TRIM37: variants seen among roughly 807,000 people sequenced by gnomAD.
TRIM37 encodes the protein E3 ubiquitin-protein ligase TRIM37.
Under a neutral mutation model 129.8 loss-of-function variants are expected in TRIM37, and 80 were observed. The ratio of observed to expected loss-of-function variants is 0.62; its 90% CI spans 0.51 to 0.74. The LOEUF is 0.74. TRIM37 is among the 30% of genes least tolerant of loss of function. The pLI, the probability that TRIM37 is intolerant of heterozygous loss-of-function variation, is 0.00. For synonymous variants in TRIM37, 389 were observed against 387.1 expected, an observed-to-expected ratio of 1.00 and a Z score of -0.06; for missense variants, 1,054 against 1,176.5, an observed-to-expected ratio of 0.90 and a Z score of 1.52.
chr17:59,015,362 C>T (rs550429769), intron 21 of TRIM37, among the ~76,000 whole-genome samples: 1 of 151,892 alleles, frequency 6.6e-6, no homozygotes, highest in Non-Finnish European at 1.5e-5. Context: ...ATCACTTAAA[C>T]CGGGGAGGCA....
At chr17:59,015,201 G>C (rs776510897) in intron 21 of TRIM37, among the ~76,000 whole-genome samples, 1 of 152,098 alleles carries the variant, frequency 6.6e-6, no homozygotes, top group Non-Finnish European at 1.5e-5. Flanking sequence ...ACTCTGGGAG[G>C]CTGAGGTGGG....
chr17:59,075,302 G>A (rs771765010), intron 8 of TRIM37, among the ~76,000 whole-genome samples: 181 of 151,886 alleles, frequency 1.2e-3, no homozygotes, highest in Non-Finnish European at 2.4e-3. Context: ...GGTGGCTCAC[G>A]CCTGTAATCC....
In TRIM37 at chr17:59,083,302, G is replaced by A. The variant is rs2043464903; in HGVS notation, c.369+700C>T. ...AATACAAAATTAGCCAGGCGTGGTG[G>A]TGGCACATGCCTGTAATCCTAGCTA... On this transcript the variant is annotated intron_variant, in intron 5 of 23. Transcript: ENST00000262294. Among the ~76,000 whole-genome samples the A allele has an allele frequency of 2.6e-5, 4 of 152,136 alleles. No individual in the cohort carries two copies. In the South Asian group the frequency reaches 8.3e-4, roughly 32 times the overall value.
intron 17 of TRIM37, among the ~76,000 whole-genome samples, chr17:59,039,983 C>T (rs898804064): frequency 2.0e-5 from 3 of 152,154 alleles, no homozygotes; most frequent in Non-Finnish European, 2.9e-5. Context: ...CTGCAGGCTC[C>T]GCTTCCTGGG....
chr17:59,034,761 G>C (rs982551812), intron 17 of TRIM37, among the ~76,000 whole-genome samples: 1 of 152,044 alleles, frequency 6.6e-6, no homozygotes, highest in African/African-American at 2.4e-5. Context: ...TATTCTGTGT[G>C]TCTCATATAT....
At chr17:59,031,746 T>G (rs2037868359) in intron 18 of TRIM37, 150 bp downstream of exon 18, 1 of 796,090 alleles carries the variant, frequency 1.3e-6, no homozygotes, top group African/African-American at 1.7e-5. Context: ...AAAACTAATT[T>G]GGTTGACATA....
intron 12 of TRIM37, among the ~76,000 whole-genome samples, chr17:59,058,297 A>G (rs2146403340): frequency 6.6e-6 from 1 of 152,354 alleles, no homozygotes; most frequent in East Asian, 1.9e-4. Context: ...ACCAAATACC[A>G]CGTGTTCTCA....
At chr17:58,975,067 G>A in the TRIM37 span, among the ~76,000 whole-genome samples, 1 of 152,102 alleles carries the variant, frequency 6.6e-6, no homozygotes, top group Admixed American at 6.6e-5. Context: ...TGTAGGTTTA[G>A]CAGGACCCAC....
downstream of TRIM37, among the ~76,000 whole-genome samples, chr17:58,994,750 CTTTT>C (rs796722512): frequency 9.6e-4 from 137 of 142,448 alleles, 2 homozygotes; most frequent in African/African-American, 3.3e-3. Flanking sequence ...TTCTTTCTTT[CTTTT>C]TTTTTTTTTT....
At chr17:59,048,440 T>C (rs1243052832) in intron 15 of TRIM37, among the ~76,000 whole-genome samples, 3 of 152,220 alleles carry the variant, frequency 2.0e-5, no homozygotes, top group Non-Finnish European at 4.4e-5. Flanking sequence ...TCCCTTCTTA[T>C]GTAAAAATAT....
chr17:59,084,163 G>T, intron 4 of TRIM37, 74 bp from the exon 5 acceptor site: 1 of 1,125,626 alleles, frequency 8.9e-7, no homozygotes, highest in Non-Finnish European at 1.3e-6. Flanking sequence ...TCTTAAGCTT[G>T]GGCAAACAGG....
chr17:59,017,630 T>C (rs189076719), intron 19 of TRIM37, among the ~76,000 whole-genome samples: 90 of 152,240 alleles, frequency 5.9e-4, no homozygotes, highest in African/African-American at 1.7e-3. Flanking sequence ...AGAATCTTTT[T>C]TTTTTTTCCC....
chr17:59,042,445 AAAAAATAT>A (rs1224975313), intron 16 of TRIM37, among the ~76,000 whole-genome samples: 4 of 40,270 alleles, frequency 9.9e-5, no homozygotes, highest in South Asian at 1.6e-3. Context: ...AAAAAAAAAA[AAAAAATAT>A]ATATATATAT....
chr17:58,989,864 C>T (rs1300496196), intron 24 of TRIM37, among the ~76,000 whole-genome samples: 1 of 151,986 alleles, frequency 6.6e-6, no homozygotes, highest in East Asian at 1.9e-4. Flanking sequence ...ATGACAGACA[C>T]AAAACCACAG....
chr17:58,992,323 AT>A (rs2144161020), intron 24 of TRIM37, among the ~76,000 whole-genome samples: 1 of 21,908 alleles, frequency 4.6e-5, no homozygotes, highest in East Asian at 8.2e-4. Flanking sequence ...ACATATGTAA[AT>A]ATATATATAT....
At chr17:59,099,052 G>T (rs990037572) in intron 2 of TRIM37, among the ~76,000 whole-genome samples, 1 of 151,928 alleles carries the variant, frequency 6.6e-6, no homozygotes, top group African/African-American at 2.4e-5. Flanking sequence ...GTGTACTGGC[G>T]CACACCTGTA....
chr17:59,104,859 A>G (rs534914584), intron 1 of TRIM37, among the ~76,000 whole-genome samples: 31 of 152,248 alleles, frequency 2.0e-4, no homozygotes, highest in African/African-American at 5.8e-4. Flanking sequence ...TGGGAGGCTG[A>G]GGCAGGTGGA....
chr17:59,030,854 G>A (rs2037768090), intron 18 of TRIM37, among the ~76,000 whole-genome samples: 1 of 152,136 alleles, frequency 6.6e-6, no homozygotes, highest in South Asian at 2.1e-4. Flanking sequence ...CCTTCAAAAA[G>A]GTTAAACCAA....
At chr17:59,075,404 A>G (rs1239732417) in intron 8 of TRIM37, among the ~76,000 whole-genome samples, 2 of 152,042 alleles carry the variant, frequency 1.3e-5, no homozygotes, top group African/African-American at 4.8e-5. Context: ...TCTACTGAAA[A>G]TACAAAAAAA....
Sources: gnomAD v4.1 joint callset for allele counts (sites outside exome capture counted in the v4.1 genomes callset) on GRCh38, gnomAD v4.1.1 for gene constraint, MANE v1.5 for transcripts, NCBI Gene and HGNC (gene_info 2026-07-23, HGNC 2026-07-21) for gene names.